The following SLC16A7 variants were observed in gnomAD, a reference collection of about 807,000 sequenced individuals.
SLC16A7 encodes solute carrier family 16 member 7.
In SLC16A7, 33 loss-of-function variants were observed where a neutral mutation model predicts 34.9. The observed-to-expected ratio is 0.94, with a 90% CI of 0.72 to 1.26. The LOEUF (loss-of-function observed/expected upper bound fraction) is 1.26. Ranked by LOEUF, SLC16A7 falls within the 50% of genes most tolerant of loss-of-function variation. SLC16A7 has a pLI of 0.00. For missense variants in SLC16A7, 573 were observed against 578.1 expected, an observed-to-expected ratio of 0.99 and a Z score of 0.09; for synonymous variants, 201 against 206.6, an observed-to-expected ratio of 0.97 and a Z score of 0.23.
rs1030878497 is a variant in SLC16A7 at position 59,785,734 on chromosome 12, T to C, written c.*6055T>C. On this transcript the variant is annotated 3_prime_UTR_variant, in exon 6 of 6. Coordinates refer to ENST00000547379, the MANE Select transcript of SLC16A7 (RefSeq NM_001270623.2). ...TATTTCAGTAGGCAATTAATGATCA[T>C]AAATTTATTCACATTTCAGTAAATA... 6.6e-6 allele frequency: 1 copy of C among 152,160 alleles called. No individual in the cohort carries two copies. The allele number at this position is 152,160 out of a possible 1,614,324, so 9.4% of individuals were successfully genotyped here.
chr12:59,659,186 T>C (rs1868696557), intron 2 of SLC16A7, among the ~76,000 whole-genome samples: 1 of 152,044 alleles, frequency 6.6e-6, no homozygotes. Context: ...TTGACAATTC[T>C]GGTTTTAAAA....
In SLC16A7 at chr12:59,785,784, TTTTG is replaced by T. The variant is rs1296320466; in HGVS notation, c.*6109_*6112del. On this transcript the variant is annotated 3_prime_UTR_variant, in exon 6 of 6. Transcript: ENST00000547379. Reference sequence around the variant, plus strand: ...ATTTTTCACATGATCAAACAGGATTTTTTGTTTCTTTTTAATTTAAATATGGCAA... The same window carrying T: ...ATTTTTCACATGATCAAACAGGATTTTTTCTTTTTAATTTAAATATGGCAA... 1 of 152,144 alleles carries T rather than the reference TTTTG, an allele frequency of 6.6e-6. No individual in the cohort carries two copies. Among genetic ancestry groups the T allele is most frequent in the Non-Finnish European group, 1.5e-5 (1 of 68,030 alleles). 9.4% of individuals were successfully genotyped at this position (152,144 alleles called of 1,614,324 possible).
chr12:59,659,550 T>G (rs1031449689), intron 2 of SLC16A7, among the ~76,000 whole-genome samples: 10 of 152,088 alleles, frequency 6.6e-5, no homozygotes, highest in African/African-American at 2.2e-4. Context: ...TCACTATATG[T>G]TGCTTAAATT....
At chr12:59,623,238 A>G (rs1879779133) in intron 1 of SLC16A7, among the ~76,000 whole-genome samples, 2 of 151,424 alleles carry the variant, frequency 1.3e-5, no homozygotes, top group Admixed American at 1.3e-4. Flanking sequence ...CCATATCCTC[A>G]CCTTTATTCT....
At chr12:59,711,327 A>G (rs942098458) in intron 3 of SLC16A7, among the ~76,000 whole-genome samples, 2 of 152,190 alleles carry the variant, frequency 1.3e-5, no homozygotes, top group Non-Finnish European at 2.9e-5. Flanking sequence ...ATGTTTCAAG[A>G]ATAAAAATGT....
intron 2 of SLC16A7, among the ~76,000 whole-genome samples, chr12:59,681,341 C>T (rs578212641): frequency 1.7e-4 from 26 of 152,258 alleles, no homozygotes; most frequent in African/African-American, 6.0e-4. Flanking sequence ...AGCCACATTG[C>T]AAAGCAAACA....
intron 1 of SLC16A7, among the ~76,000 whole-genome samples, chr12:59,616,699 G>A (rs945791169): frequency 6.6e-5 from 10 of 152,164 alleles, no homozygotes; most frequent in Admixed American, 5.2e-4. Context: ...AGAGAACTGG[G>A]TAACTTTTAT....
intron 3 of SLC16A7, 96 bp downstream of exon 3, chr12:59,705,114 GT>G (rs1341727530): frequency 3.7e-6 from 3 of 803,132 alleles, no homozygotes; most frequent in Non-Finnish European, 6.2e-6. Flanking sequence ...TTAAAACCCT[GT>G]TTTTATGTTA....
At chr12:59,731,202 CAAATA>C (rs1876913421) in intron 3 of SLC16A7, among the ~76,000 whole-genome samples, 2 of 152,012 alleles carry the variant, frequency 1.3e-5, no homozygotes, top group South Asian at 4.1e-4. Context: ...ATTTATGAAT[CAAATA>C]AGAAACTGCT....
At chr12:59,737,377 C>A (rs1031779177) in intron 3 of SLC16A7, among the ~76,000 whole-genome samples, 2 of 152,106 alleles carry the variant, frequency 1.3e-5, no homozygotes, top group African/African-American at 4.8e-5. Context: ...GAATTTCAGA[C>A]CAGTTTATTA....
chr12:59,729,660 A>G (rs1035381494), intron 3 of SLC16A7, among the ~76,000 whole-genome samples: 8 of 152,204 alleles, frequency 5.3e-5, no homozygotes, highest in African/African-American at 1.9e-4. Context: ...GTTCTTAAAA[A>G]GATTACATAG....
intron 1 of SLC16A7, among the ~76,000 whole-genome samples, chr12:59,624,233 T>G (rs1477230159): frequency 6.6e-6 from 1 of 151,718 alleles, no homozygotes; most frequent in Non-Finnish European, 1.5e-5. Context: ...TCATATCTCT[T>G]TTTTTGAGAT....
chr12:59,785,766 AC>A lies in SLC16A7; in HGVS notation c.*6088del, dbSNP rs1883569210. ...ATTCACATTTCAGTAAATATTTTTC[AC>A]ATGATCAAACAGGATTTTTTGTTTC... On this transcript the variant is annotated 3_prime_UTR_variant, in exon 6 of 6. Transcript: ENST00000547379. 6.6e-6 allele frequency: 1 copy of A among 152,138 alleles called. No homozygotes were observed. The highest frequency in any genetic ancestry group is 2.4e-5 in the African/African-American group (1 of 41,432). 9.4% of individuals were successfully genotyped at this position (152,138 alleles called of 1,614,324 possible).
Position 59,779,467 on chromosome 12 carries a change from T to A in SLC16A7, c.1225T>A (p.Ser409Thr). 6.2e-7 allele frequency: 1 copy of A among 1,611,314 alleles called. No individual in the cohort carries two copies. Residue 409 changes from serine (S) to threonine (T), a missense_variant, in exon 6 of 6, where the codon TCC (serine) becomes ACC (threonine). By Grantham distance (58) the Ser-to-Thr change is moderately conservative. Transcript: ENST00000547379. ...TGGAGAATATAAATACATGTACATG[T>A]CCTGTGGGGCTATTGTGGTAGCAGC... Reference protein sequence around the residue: ...LTGEYKYMYMSCGAIVVAASV... With the variant: ...LTGEYKYMYMTCGAIVVAASV...
chr12:59,756,294 C>G (rs12228530), intron 3 of SLC16A7, among the ~76,000 whole-genome samples: 16 of 152,214 alleles, frequency 1.1e-4, no homozygotes, highest in Middle Eastern at 6.8e-3. Context: ...CAGAGCAAAA[C>G]AAACTACCAT....
At chr12:59,718,697 T>C (rs567210745) in intron 3 of SLC16A7, among the ~76,000 whole-genome samples, 1 of 152,252 alleles carries the variant, frequency 6.6e-6, no homozygotes, top group South Asian at 2.1e-4. Context: ...TTAAGCTGTT[T>C]TGAAAATTCA....
At chr12:59,656,624 G>A (rs999001024) in intron 2 of SLC16A7, among the ~76,000 whole-genome samples, 4 of 151,970 alleles carry the variant, frequency 2.6e-5, no homozygotes, top group Admixed American at 1.3e-4. Flanking sequence ...TTAAGCCATT[G>A]TATTTGTGGT....
At chr12:59,740,624 G>A (rs889349981) in intron 3 of SLC16A7, among the ~76,000 whole-genome samples, 3 of 152,114 alleles carry the variant, frequency 2.0e-5, no homozygotes, top group Non-Finnish European at 4.4e-5. Flanking sequence ...GGCAAAAACT[G>A]GAAGCATTCT....
chr12:59,772,991 T>TACA, intron 4 of SLC16A7, among the ~76,000 whole-genome samples: 1 of 152,160 alleles, frequency 6.6e-6, no homozygotes, highest in African/African-American at 2.4e-5. Flanking sequence ...TATGTTTGTT[T>TACA]AACCATGCCA....
Sources: gnomAD v4.1 joint callset for allele counts (sites outside exome capture counted in the v4.1 genomes callset) on GRCh38, gnomAD v4.1.1 for gene constraint, MANE v1.5 for transcripts, NCBI Gene and HGNC (gene_info 2026-07-23, HGNC 2026-07-21) for gene names.